Variants in STAU1 observed in about 807,000 individuals in gnomAD.
STAU1 encodes the protein double-stranded RNA-binding protein Staufen homolog 1.
Under a neutral mutation model 62.9 loss-of-function variants are expected in STAU1, and 13 were observed. The ratio of observed to expected loss-of-function variants is 0.21; its 90% CI spans 0.13 to 0.33. STAU1 has a LOEUF of 0.33. STAU1 is among the 10% of genes least tolerant of loss of function. The pLI is 1.00. For missense variants in STAU1, 571 were observed against 712.1 expected (o/e 0.80, Z 2.25); for synonymous variants, 269 against 265.1 (o/e 1.01, Z -0.14).
intron 3 of STAU1, among the ~76,000 whole-genome samples, chr20:49,154,397 T>C (rs905962027): frequency 6.6e-6 from 1 of 152,210 alleles, no homozygotes; most frequent in Non-Finnish European, 1.5e-5. Flanking sequence ...GATTAAAAAA[T>C]CCCATGTAAA....
chr20:49,118,526 GA>G, intron 9 of STAU1, 118 bp from the exon 10 acceptor site: 1 of 789,660 alleles, frequency 1.3e-6, no homozygotes. Flanking sequence ...GCAATCGGCA[GA>G]AAAACCCTGC....
Position 49,113,503 on chromosome 20 carries a change from A to G in STAU1, c.*1375T>C, listed in dbSNP as rs1184149801. ...ACCAACCTAGCAGTAGTGGCATTTG[A>G]GAATAAATTAACAAAAAAATTTAGT... On this transcript the variant is annotated 3_prime_UTR_variant, in exon 14 of 14. Coordinates refer to ENST00000371856, the MANE Select transcript of STAU1 (RefSeq NM_017453.4). The G allele has an allele frequency of 6.6e-6, 1 of 152,666 alleles. No homozygotes were observed. Among genetic ancestry groups the G allele is most frequent in the Non-Finnish European group, 1.5e-5 (1 of 68,044 alleles). The allele number at this position is 152,666 out of a possible 1,614,324, so 9.5% of individuals were successfully genotyped here.
intron 8 of STAU1, among the ~76,000 whole-genome samples, chr20:49,121,318 G>C (rs1049025898): frequency 6.6e-6 from 1 of 152,114 alleles, no homozygotes; most frequent in African/African-American, 2.4e-5. Context: ...TGAGGCAGGA[G>C]AATCACTTGA....
chr20:49,160,180 C>T lies in STAU1; in HGVS notation c.205+5817G>A, dbSNP rs2093426899. On this transcript the variant is annotated intron_variant, in intron 3 of 13. Coordinates refer to ENST00000371856, the MANE Select transcript of STAU1 (RefSeq NM_017453.4). Reference sequence around the variant, plus strand: ...AAAAGTAGTAACTTGCACAAGATCACACAGCTAGTAACAAGCTGAGACTCA... The same window carrying T: ...AAAAGTAGTAACTTGCACAAGATCATACAGCTAGTAACAAGCTGAGACTCA... Among the ~76,000 whole-genome samples the T allele has an allele frequency of 3.9e-5, 6 of 152,202 alleles. No homozygotes were observed. In the South Asian group the frequency reaches 1.2e-3, roughly 31 times the overall value.
At chr20:49,216,817 C>T in the STAU1 span, among the ~76,000 whole-genome samples, 4 of 152,168 alleles carry the variant, frequency 2.6e-5, no homozygotes, top group African/African-American at 9.6e-5. Flanking sequence ...AAGCTCCCAA[C>T]ATCTTTGACC....
chr20:49,153,552 C>A (rs1438159872), intron 4 of STAU1, among the ~76,000 whole-genome samples: 1 of 146,026 alleles, frequency 6.8e-6, no homozygotes. Flanking sequence ...CTAAAAAATA[C>A]AAAAAAAAAT....
intron 1 of STAU1, among the ~76,000 whole-genome samples, chr20:49,175,272 A>T (rs1208675625): frequency 1.3e-5 from 2 of 151,990 alleles, no homozygotes; most frequent in East Asian, 3.9e-4. Context: ...CAGAGGTTGC[A>T]GTGAGCCAAG....
upstream of STAU1, among the ~76,000 whole-genome samples, chr20:49,193,194 T>C (rs2093833383): frequency 6.6e-6 from 1 of 151,618 alleles, no homozygotes; most frequent in African/African-American, 2.4e-5. Flanking sequence ...CCGGCCAACA[T>C]GGTGAGATCC....
At chr20:49,129,870 C>T (rs942198988) in intron 6 of STAU1, among the ~76,000 whole-genome samples, 4 of 152,190 alleles carry the variant, frequency 2.6e-5, no homozygotes, top group African/African-American at 4.8e-5. Context: ...TCAAGTGATC[C>T]GCCCACCTTG....
chr20:49,205,363 G>GTTTT, the STAU1 span, among the ~76,000 whole-genome samples: 23 of 118,098 alleles, frequency 1.9e-4, 4 homozygotes, highest in East Asian at 2.5e-4. Context: ...CTTTATGACA[G>GTTTT]TTTTTTTTTT....
intron 1 of STAU1, among the ~76,000 whole-genome samples, chr20:49,186,691 T>A (rs1218098065): frequency 2.6e-5 from 4 of 152,088 alleles, no homozygotes. Flanking sequence ...GTCACCAGGA[T>A]AACCGAAACT....
At chr20:49,206,779 C>G in the STAU1 span, among the ~76,000 whole-genome samples, 1 of 112,930 alleles carries the variant, frequency 8.9e-6, no homozygotes, top group African/African-American at 3.7e-5. Flanking sequence ...TTTTTTGAGA[C>G]AGAGTCTGGC....
At chr20:49,133,048 G>A (rs6095449) in intron 6 of STAU1, among the ~76,000 whole-genome samples, 15,193 of 152,038 alleles carry the variant, frequency 0.1, 1,027 homozygotes, top group African/African-American at 0.2. Context: ...AAGCACTCAC[G>A]CCACCAACTA....
chr20:49,114,901 G>C lies in STAU1; in HGVS notation c.1719-8C>G. 6.2e-7 allele frequency: 1 copy of C among 1,612,934 alleles called. No individual in the cohort carries two copies. Among genetic ancestry groups the C allele is most frequent in the Non-Finnish European group, 8.5e-7 (1 of 1,179,296 alleles). On this transcript the variant is annotated splice_polypyrimidine_tract_variant and splice_region_variant and intron_variant, in intron 13 of 13. Coordinates refer to ENST00000371856, the MANE Select transcript of STAU1 (RefSeq NM_017453.4). ...GTTCAGCACCTCCCACACCTTTAAG[G>C]AAGAAAAATGAAAATGACACTAGTT... is the stretch of plus-strand genomic sequence containing the variant.
intron 2 of STAU1, among the ~76,000 whole-genome samples, chr20:49,167,894 G>T (rs774133531): frequency 6.6e-6 from 1 of 152,038 alleles, no homozygotes; most frequent in Admixed American, 6.6e-5. Context: ...AATGAGCTAG[G>T]AGTAAAGTAT....
chr20:49,154,696 TCTACTAA>T (rs2093327979), intron 3 of STAU1, among the ~76,000 whole-genome samples: 1 of 152,078 alleles, frequency 6.6e-6, no homozygotes, highest in Non-Finnish European at 1.5e-5. Context: ...AAACCCTATC[TCTACTAA>T]AAAATACAAA....
chr20:49,188,216 G>C lies in STAU1; in HGVS notation c.-260C>G, dbSNP rs901066243. The C allele has an allele frequency of 6.6e-6, 1 of 151,756 alleles. No homozygotes were observed. The highest frequency in any genetic ancestry group is 6.6e-5 in the Admixed American group (1 of 15,210). The allele number at this position is 151,756 out of a possible 1,614,324, so 9.4% of individuals were successfully genotyped here. ...AAAAGGGAGAGGAAGAAGGGACGAA[G>C]GGAGGGAAGAGGCGGAGTGGCCGTG... On this transcript the variant is annotated 5_prime_UTR_variant, in exon 1 of 14. Coordinates refer to ENST00000371856, the MANE Select transcript of STAU1 (RefSeq NM_017453.4).
intron 8 of STAU1, among the ~76,000 whole-genome samples, chr20:49,122,181 G>A (rs2092479064): frequency 6.6e-6 from 1 of 152,136 alleles, no homozygotes; most frequent in African/African-American, 2.4e-5. Context: ...AAGTTAAGCT[G>A]CCTATGTGAA....
intron 3 of STAU1, chr20:49,158,483 A>G: frequency 7.7e-7 from 1 of 1,304,682 alleles, no homozygotes. Context: ...GGATTCCCTC[A>G]GTGCACGGCT....
Sources: gnomAD v4.1 joint callset for allele counts (sites outside exome capture counted in the v4.1 genomes callset) on GRCh38, gnomAD v4.1.1 for gene constraint, MANE v1.5 for transcripts, NCBI Gene and HGNC (gene_info 2026-07-23, HGNC 2026-07-21) for gene names.